NR6A1: variants seen among roughly 807,000 people sequenced by gnomAD.
NR6A1 encodes nuclear receptor subfamily 6 group A member 1.
Under a neutral mutation model 59.1 loss-of-function variants are expected in NR6A1, and 7 were observed. The ratio of observed to expected loss-of-function variants is 0.12; its 90% CI spans 0.07 to 0.22. The LOEUF is 0.22. Ranked by LOEUF, NR6A1 falls within the 10% of genes least tolerant of loss-of-function variation. NR6A1 has a pLI of 1.00. For missense variants in NR6A1, 468 were observed against 611.6 expected, an observed-to-expected ratio of 0.77 and a Z score of 2.48; for synonymous variants, 243 against 236.1, an observed-to-expected ratio of 1.03 and a Z score of -0.27.
chr9:124,533,102 G>A (rs1427049747), intron 7 of NR6A1, among the ~76,000 whole-genome samples: 1 of 152,228 alleles, frequency 6.6e-6, no homozygotes, highest in African/African-American at 2.4e-5. Flanking sequence ...GAGGGCCTGG[G>A]CAAACCCATT....
At chr9:124,664,888 A>G (rs1837560637) in intron 2 of NR6A1, among the ~76,000 whole-genome samples, 1 of 151,874 alleles carries the variant, frequency 6.6e-6, no homozygotes, top group Non-Finnish European at 1.5e-5. Flanking sequence ...AAGAAATGGC[A>G]GGGGCCAGCG....
Position 124,745,376 on chromosome 9 carries a change from A to G in NR6A1, c.101-12027T>C, listed in dbSNP as rs546719430. On this transcript the variant is annotated intron_variant, in intron 1 of 9. Coordinates refer to ENST00000487099, the MANE Select transcript of NR6A1 (RefSeq NM_033334.4). ...ATTGTTTTTATAAACAGAAACATAC[A>G]TTAAAAAAATCCTGGCAGGGCACAG... is the stretch of plus-strand genomic sequence containing the variant. Among the ~76,000 whole-genome samples the G allele has an allele frequency of 3.9e-5, 6 of 152,314 alleles. No homozygotes were observed. The South Asian group carries it at 1.2e-3, about 32-fold the overall frequency.
chr9:124,572,020 G>A (rs983522287), intron 2 of NR6A1, among the ~76,000 whole-genome samples: 3 of 152,132 alleles, frequency 2.0e-5, no homozygotes, highest in Admixed American at 6.5e-5. Context: ...TACCCTAGGA[G>A]CAAAGGAAAA....
At chr9:124,605,933 G>T (rs1033753586) in intron 2 of NR6A1, among the ~76,000 whole-genome samples, 2 of 152,068 alleles carry the variant, frequency 1.3e-5, no homozygotes, top group African/African-American at 4.8e-5. Flanking sequence ...TCCTTTATGG[G>T]TATGTCTTGC....
intron 2 of NR6A1, among the ~76,000 whole-genome samples, chr9:124,586,397 T>G (rs1834935844): frequency 6.6e-6 from 1 of 151,860 alleles, no homozygotes; most frequent in Non-Finnish European, 1.5e-5. Context: ...AAACTAGAAT[T>G]AGAAGTGCAT....
rs146313272 is a variant in NR6A1 at position 124,546,915 on chromosome 9, A to G, written c.386-3058T>C. ...TTTGAGATGAGGAAACAGAGCTCAGAGAGGTAAAGAGATTTGCTCAGGGAA... is the reference window on the plus strand; with the variant it reads ...TTTGAGATGAGGAAACAGAGCTCAGGGAGGTAAAGAGATTTGCTCAGGGAA... On this transcript the variant is annotated intron_variant, in intron 3 of 9. Transcript: ENST00000487099. Among the ~76,000 whole-genome samples, 794 of 152,350 alleles carry G rather than the reference A, an allele frequency of 5.2e-3. 7 individuals are homozygous for G. Among genetic ancestry groups the G allele is most frequent in the African/African-American group, 0.018 (744 of 41,582 alleles).
intron 7 of NR6A1, among the ~76,000 whole-genome samples, chr9:124,533,348 G>T (rs191523527): frequency 7.2e-5 from 11 of 152,340 alleles, no homozygotes; most frequent in Non-Finnish European, 1.2e-4. Flanking sequence ...TGCAAAATCA[G>T]ATAGCTCTAT....
chr9:124,685,704 G>C (rs1838310602), intron 2 of NR6A1, among the ~76,000 whole-genome samples: 1 of 152,150 alleles, frequency 6.6e-6, no homozygotes, highest in African/African-American at 2.4e-5. Flanking sequence ...CTGATAGTCT[G>C]AAAGTTACAA....
At position 124,517,744 on chromosome 9, in the gene NR6A1, G is replaced by A. The variant is rs1302867776; in HGVS notation, c.*4961C>T. The A allele has an allele frequency of 1.3e-5, 2 of 152,178 alleles. No individual in the cohort carries two copies. The highest frequency in any genetic ancestry group is 4.8e-5 in the African/African-American group (2 of 41,400). The allele number at this position is 152,178 out of a possible 1,614,324, so 9.4% of individuals were successfully genotyped here. ...GACTAGTCCCTGGCTGGGTAGGTGG[G>A]AAGGAATCCCCAGACACAGCCCAGA... On this transcript the variant is annotated 3_prime_UTR_variant, in exon 10 of 10. Transcript: ENST00000487099.
At chr9:124,673,428 T>C (rs568621085) in intron 2 of NR6A1, among the ~76,000 whole-genome samples, 1 of 151,796 alleles carries the variant, frequency 6.6e-6, no homozygotes, top group Non-Finnish European at 1.5e-5. Flanking sequence ...TCTCAGGTGG[T>C]AAAGAAAATA....
chr9:124,558,916 T>C (rs556552088), intron 2 of NR6A1, among the ~76,000 whole-genome samples: 1 of 152,300 alleles, frequency 6.6e-6, no homozygotes, highest in East Asian at 1.9e-4. Context: ...TAATCGTGCC[T>C]GGCCAGATGT....
At chr9:124,713,169 A>C (rs1004469096) in intron 2 of NR6A1, among the ~76,000 whole-genome samples, 3 of 152,200 alleles carry the variant, frequency 2.0e-5, no homozygotes, top group Non-Finnish European at 4.4e-5. Context: ...AGAAAGAATA[A>C]TCACATGGTA....
intron 1 of NR6A1, among the ~76,000 whole-genome samples, chr9:124,739,552 C>T (rs1412975680): frequency 6.6e-6 from 1 of 152,152 alleles, no homozygotes; most frequent in African/African-American, 2.4e-5. Context: ...CCTCTAGGAC[C>T]CAAGCAACCC....
chr9:124,741,591 T>C (rs370694374), intron 1 of NR6A1, among the ~76,000 whole-genome samples: 1 of 152,342 alleles, frequency 6.6e-6, no homozygotes, highest in East Asian at 1.9e-4. Flanking sequence ...GTTAAAATGG[T>C]AAATTTTATG....
At chr9:124,580,733 T>A (rs1054087154) in intron 2 of NR6A1, among the ~76,000 whole-genome samples, 3 of 152,126 alleles carry the variant, frequency 2.0e-5, no homozygotes, top group African/African-American at 7.2e-5. Flanking sequence ...GGCAGGAGAA[T>A]CGCTTGAACC....
At chr9:124,711,734 G>C (rs1168300207) in intron 2 of NR6A1, among the ~76,000 whole-genome samples, 1 of 152,148 alleles carries the variant, frequency 6.6e-6, no homozygotes, top group Non-Finnish European at 1.5e-5. Context: ...TACCCACTGA[G>C]TAAGTCAAGA....
chr9:124,562,630 C>CAAAGGTAA (rs1236728219), intron 2 of NR6A1, among the ~76,000 whole-genome samples: 1 of 152,030 alleles, frequency 6.6e-6, no homozygotes, highest in Admixed American at 6.6e-5. Context: ...ATTATTCTAG[C>CAAAGGTAA]AAAGGTAAAA....
intron 2 of NR6A1, among the ~76,000 whole-genome samples, chr9:124,711,184 G>GT (rs1301655873): frequency 2.0e-4 from 21 of 103,428 alleles, no homozygotes; most frequent in Middle Eastern, 6.3e-3. Flanking sequence ...GTCAGCTAAG[G>GT]TTTAAAAAAA....
At chr9:124,629,844 C>T (rs373077442) in intron 2 of NR6A1, among the ~76,000 whole-genome samples, 6 of 152,186 alleles carry the variant, frequency 3.9e-5, no homozygotes, top group South Asian at 4.1e-4. Context: ...TTAAAATAGT[C>T]ACCAGCACAA....
Sources: gnomAD v4.1 joint callset for allele counts (sites outside exome capture counted in the v4.1 genomes callset) on GRCh38, gnomAD v4.1.1 for gene constraint, MANE v1.5 for transcripts, NCBI Gene and HGNC (gene_info 2026-07-23, HGNC 2026-07-21) for gene names.